GABRA3: variants seen among roughly 807,000 people sequenced by gnomAD.
GABRA3 encodes gamma-aminobutyric acid receptor subunit alpha-3.
Under a neutral mutation model 30.1 loss-of-function variants are expected in GABRA3, and 10 were observed. The ratio of observed to expected loss-of-function variants is 0.33; its 90% CI spans 0.20 to 0.56. The LOEUF (loss-of-function observed/expected upper bound fraction) is 0.56. GABRA3 is among the 20% of genes least tolerant of loss of function. The pLI is 0.89. For synonymous variants in GABRA3, 151 were observed against 146.8 expected, an observed-to-expected ratio of 1.03 and a Z score of -0.21; for missense variants, 233 against 392.0, an observed-to-expected ratio of 0.59 and a Z score of 3.42.
At chrX:152,174,060 C>A (rs1210713705) in intron 9 of GABRA3, among the ~76,000 whole-genome samples, 1 of 109,624 alleles carries the variant, frequency 9.1e-6, no homozygotes, top group Non-Finnish European at 1.9e-5. Context: ...TTGTCCTTGC[C>A]ATAGTTTGCT....
At chrX:152,312,337 C>G (rs980435729) in intron 3 of GABRA3, among the ~76,000 whole-genome samples, 1 of 112,060 alleles carries the variant, frequency 8.9e-6, no homozygotes, top group Non-Finnish European at 1.9e-5. Context: ...AGCTACACAC[C>G]TACAACCATG....
At chrX:152,441,712 C>T (rs1930936595) in intron 1 of GABRA3, among the ~76,000 whole-genome samples, 1 of 111,278 alleles carries the variant, frequency 9.0e-6, no homozygotes, top group Non-Finnish European at 1.9e-5. Context: ...AAAAATTAGG[C>T]AATGTGGTGG....
intron 4 of GABRA3, among the ~76,000 whole-genome samples, chrX:152,268,510 T>C (rs916060397): frequency 8.9e-6 from 1 of 112,370 alleles, no homozygotes; most frequent in African/African-American, 3.2e-5. Context: ...CCATTAAACC[T>C]CTTTCCTTTA....
At chrX:152,199,377 A>C (rs1021401941) in intron 7 of GABRA3, among the ~76,000 whole-genome samples, 1 of 108,765 alleles carries the variant, frequency 9.2e-6, no homozygotes, top group African/African-American at 3.3e-5. Context: ...AAAAAAAAAA[A>C]TAAAAAAAGC....
intron 1 of GABRA3, among the ~76,000 whole-genome samples, chrX:152,400,126 C>A (rs1198747247): frequency 9.0e-6 from 1 of 111,356 alleles, no homozygotes; most frequent in African/African-American, 3.3e-5. Flanking sequence ...TATTTTCTCA[C>A]GTTAATTTAT....
intron 1 of GABRA3, among the ~76,000 whole-genome samples, chrX:152,388,143 G>A (rs1929376098): frequency 8.9e-6 from 1 of 111,839 alleles, no homozygotes; most frequent in South Asian, 3.7e-4. Flanking sequence ...GTGGAAAAAT[G>A]TATATGATAT....
chrX:152,422,541 T>C (rs1169750908), intron 1 of GABRA3, among the ~76,000 whole-genome samples: 3 of 111,109 alleles, frequency 2.7e-5, no homozygotes, highest in Admixed American at 1.9e-4. Context: ...TTTCCATATA[T>C]GCTATACTTC....
chrX:152,264,325 A>T (rs1234526235), intron 4 of GABRA3, among the ~76,000 whole-genome samples: 1 of 111,857 alleles, frequency 8.9e-6, no homozygotes, highest in Non-Finnish European at 1.9e-5. Flanking sequence ...AACAACAAAA[A>T]GTTAAAAAGT....
chrX:152,268,025 G>T (rs185906397), intron 4 of GABRA3, among the ~76,000 whole-genome samples: 1,361 of 109,989 alleles, frequency 0.012, 66 homozygotes, highest in Admixed American at 0.12. Flanking sequence ...CTAATTTGGG[G>T]TTTGATTTGT....
At chrX:152,309,835 G>A (rs1166272156) in intron 3 of GABRA3, among the ~76,000 whole-genome samples, 1 of 111,863 alleles carries the variant, frequency 8.9e-6, no homozygotes, top group East Asian at 2.8e-4. Flanking sequence ...GGCACAGAGT[G>A]GCAAGTTGGA....
chrX:152,320,212 C>T (rs1443506186), intron 3 of GABRA3, among the ~76,000 whole-genome samples: 4 of 111,597 alleles, frequency 3.6e-5, no homozygotes, highest in African/African-American at 3.3e-5. Context: ...CCAGCAATCC[C>T]ACTACTGGAT....
At chrX:152,295,525 G>A (rs1484611187) in intron 3 of GABRA3, among the ~76,000 whole-genome samples, 1 of 113,157 alleles carries the variant, frequency 8.8e-6, no homozygotes. Context: ...ATAATCTCCT[G>A]CTCTGCCGTT....
chrX:152,347,862 C>T (rs1043391747), intron 2 of GABRA3, among the ~76,000 whole-genome samples: 3 of 111,506 alleles, frequency 2.7e-5, no homozygotes, highest in African/African-American at 9.8e-5. Context: ...CAAAAATTAG[C>T]TAGGCATGGT....
intron 4 of GABRA3, among the ~76,000 whole-genome samples, chrX:152,263,550 T>TA (rs1362608220): frequency 9.1e-6 from 1 of 109,611 alleles, no homozygotes; most frequent in East Asian, 2.9e-4. Context: ...GTAAAAGGAA[T>TA]AAAAAACAAT....
At chrX:152,325,549 T>A (rs149903378) in intron 3 of GABRA3, among the ~76,000 whole-genome samples, 11,873 of 111,650 alleles carry the variant, frequency 0.11, 502 homozygotes, top group African/African-American at 0.12. Flanking sequence ...ATATTTGCTG[T>A]TCTGCAGCCT....
At chrX:152,185,642 G>C (rs1050585351) in intron 9 of GABRA3, among the ~76,000 whole-genome samples, 2 of 111,620 alleles carry the variant, frequency 1.8e-5, no homozygotes, top group Non-Finnish European at 3.8e-5. Context: ...AACTGGAACA[G>C]TGTACTCTAA....
At chrX:152,216,389 AACACACACACACAC>A (rs60255687) in intron 6 of GABRA3, among the ~76,000 whole-genome samples, 275 of 77,608 alleles carry the variant, frequency 3.5e-3, no homozygotes, top group South Asian at 9.6e-3. Context: ...ATAATATATA[AACACACACACACAC>A]ACACACACAC....
chrX:152,375,516 T>TC (rs1265958439), intron 1 of GABRA3, among the ~76,000 whole-genome samples: 2 of 112,261 alleles, frequency 1.8e-5, no homozygotes, highest in Non-Finnish European at 3.8e-5. Flanking sequence ...TGTTGATCCT[T>TC]TCATTGTCAC....
intron 2 of GABRA3, among the ~76,000 whole-genome samples, chrX:152,359,112 G>A (rs1216220695): frequency 9.0e-6 from 1 of 111,674 alleles, no homozygotes; most frequent in East Asian, 2.8e-4. Flanking sequence ...CAGTTATTTG[G>A]AATAGTTGCA....
Sources: allele counts gnomAD v4.1 joint callset (sites outside exome capture counted in the v4.1 genomes callset), GRCh38; gene constraint gnomAD v4.1.1; transcripts MANE v1.5; gene names NCBI Gene and HGNC (gene_info 2026-07-23, HGNC 2026-07-21).